The following PAG1 variants were observed in gnomAD, a reference collection of about 807,000 sequenced individuals.
PAG1 encodes phosphoprotein associated with glycosphingolipid-enriched microdomains 1.
PAG1 carries 23 observed loss-of-function variants against 31.7 expected under a neutral mutation model. The observed-to-expected ratio is 0.73, with a 90% CI of 0.52 to 1.03. The LOEUF is 1.03. Ranked by LOEUF, PAG1 falls within the 50% of genes least tolerant of loss-of-function variation. PAG1 has a pLI of 0.00. For synonymous variants in PAG1, 214 were observed against 210.3 expected (o/e 1.02, Z -0.15); for missense variants, 473 against 540.7 (o/e 0.87, Z 1.24).
intron 2 of PAG1, among the ~76,000 whole-genome samples, chr8:81,033,305 T>C (rs1238167521): frequency 6.6e-6 from 1 of 152,190 alleles, no homozygotes; most frequent in East Asian, 1.9e-4. Flanking sequence ...TTGCAAACTA[T>C]CATGCCCTGA....
intron 1 of PAG1, among the ~76,000 whole-genome samples, chr8:81,101,140 T>C (rs1312425354): frequency 6.6e-6 from 1 of 152,214 alleles, no homozygotes; most frequent in East Asian, 1.9e-4. Flanking sequence ...CAGTGTTATT[T>C]TTCTCAATGA....
At chr8:81,065,106 G>T (rs1206037048) in intron 2 of PAG1, among the ~76,000 whole-genome samples, 2 of 152,158 alleles carry the variant, frequency 1.3e-5, no homozygotes, top group Non-Finnish European at 2.9e-5. Context: ...AGGCGCTCAA[G>T]GCCCCAGCCT....
chr8:80,980,587 G>A (rs1057136993), intron 7 of PAG1, 93 bp from the exon 8 acceptor site: 25 of 785,294 alleles, frequency 3.2e-5, no homozygotes, highest in African/African-American at 6.9e-5. Flanking sequence ...GTCTAGCAAC[G>A]TTTTCAAATG....
chr8:80,991,003 G>A (rs534154657), intron 5 of PAG1, among the ~76,000 whole-genome samples: 11 of 152,280 alleles, frequency 7.2e-5, no homozygotes, highest in African/African-American at 2.4e-4. Flanking sequence ...GGGAGGTGAT[G>A]TGAAACACAG....
Position 80,987,469 on chromosome 8 carries a change from G to GAAAACAAAAACA in PAG1, c.178-15_178-4dup. On this transcript the variant is annotated splice_polypyrimidine_tract_variant and splice_region_variant and intron_variant, in intron 5 of 8. Coordinates refer to ENST00000220597, the MANE Select transcript of PAG1 (RefSeq NM_018440.4). ...CTGAACATCTCCTTGTCTGAAGGCT[G>GAAAACAAAAACA]AAAACAAAAACAAAAACAAAAACAA... is the stretch of plus-strand genomic sequence containing the variant. 1 of 1,609,722 alleles carries GAAAACAAAAACA rather than the reference G, an allele frequency of 6.2e-7. No homozygotes were observed. The highest frequency in any genetic ancestry group is 1.3e-5 in the African/African-American group (1 of 74,920).
chr8:81,102,040 G>A (rs527575460), intron 1 of PAG1, among the ~76,000 whole-genome samples: 1 of 152,196 alleles, frequency 6.6e-6, no homozygotes, highest in Non-Finnish European at 1.5e-5. Flanking sequence ...CTAACTCTAT[G>A]CCCTGGATTA....
intron 2 of PAG1, among the ~76,000 whole-genome samples, chr8:81,048,056 C>T (rs1808671237): frequency 6.6e-6 from 1 of 152,184 alleles, no homozygotes; most frequent in African/African-American, 2.4e-5. Context: ...TTCCAGCCCT[C>T]TGTAACCTGA....
intron 3 of PAG1, among the ~76,000 whole-genome samples, chr8:81,007,188 T>C (rs1322849515): frequency 2.0e-5 from 3 of 152,132 alleles, no homozygotes; most frequent in Non-Finnish European, 2.9e-5. Flanking sequence ...AGGCATATAT[T>C]AGAGACATGT....
chr8:81,104,968 G>T (rs1809670245), intron 1 of PAG1, among the ~76,000 whole-genome samples: 1 of 151,942 alleles, frequency 6.6e-6, no homozygotes, highest in Admixed American at 6.6e-5. Flanking sequence ...CCCTCAATGT[G>T]CACCAGCCAC....
chr8:81,085,731 C>A (rs1334044644), intron 1 of PAG1, among the ~76,000 whole-genome samples: 2 of 152,166 alleles, frequency 1.3e-5, no homozygotes, highest in Non-Finnish European at 2.9e-5. Flanking sequence ...TCTCCAGGTG[C>A]CTGAGACCTA....
intron 7 of PAG1, among the ~76,000 whole-genome samples, chr8:80,981,867 T>C (rs1292992445): frequency 4.1e-5 from 4 of 98,274 alleles, no homozygotes; most frequent in Non-Finnish European, 7.0e-5. Context: ...ACTTCCTTTT[T>C]TTTTTTTTTT....
intron 1 of PAG1, among the ~76,000 whole-genome samples, chr8:81,079,424 C>A (rs1458558082): frequency 6.6e-6 from 1 of 152,172 alleles, no homozygotes; most frequent in Non-Finnish European, 1.5e-5. Context: ...CAGCATCAAA[C>A]ATAATCATTT....
rs1807515201 is a variant in PAG1 at position 80,990,349 on chromosome 8, CT to C, written c.177+1129del. On this transcript the variant is annotated intron_variant, in intron 5 of 8. Coordinates refer to ENST00000220597, the MANE Select transcript of PAG1 (RefSeq NM_018440.4). This position sits in a 1 kb window ranked among gnomAD's most constrained non-coding sequence, Gnocchi z 5.1. Reference sequence around the variant, plus strand: ...CAGGAAGCCTAGACTGGAGATGCCCCTGGTCATCTCTGCAAACGTCTGCTGG... The same window carrying C: ...CAGGAAGCCTAGACTGGAGATGCCCCGGTCATCTCTGCAAACGTCTGCTGG... Among the ~76,000 whole-genome samples the C allele has an allele frequency of 6.6e-6, 1 of 152,102 alleles. No individual in the cohort carries two copies.
At position 80,993,198 on chromosome 8, in the gene PAG1, G is replaced by A. The variant is rs541059075; in HGVS notation, c.30C>T (p.Ser10=). MGPAGSLLG[S]GQMQITLWGS... The stretch of plus-strand genomic sequence containing the variant: ...CCCACAGGGTGATCTGCATCTGTCC[G>A]CTGCCCAGCAGGCTCCCCGCGGGCC... The change falls in exon 4 of 9, where the codon AGC becomes AGT. Residue 10 remains serine (S), a synonymous_variant. Transcript: ENST00000220597. The A allele has an allele frequency of 4.7e-5, 75 of 1,612,068 alleles. No homozygotes were observed. The East Asian group carries it at 1.0e-3, about 23-fold the overall frequency.
At chr8:81,025,884 T>C (rs1365231584) in intron 3 of PAG1, among the ~76,000 whole-genome samples, 2 of 152,112 alleles carry the variant, frequency 1.3e-5, no homozygotes, top group Non-Finnish European at 2.9e-5. Context: ...CATAACATGG[T>C]GTGTGTACCT....
intron 3 of PAG1, among the ~76,000 whole-genome samples, chr8:81,029,386 A>C (rs1473217631): frequency 3.3e-5 from 5 of 149,964 alleles, no homozygotes; most frequent in Admixed American, 1.3e-4. Flanking sequence ...ACACACACAC[A>C]CACCCCTCCC....
chr8:81,073,277 C>A (rs1215410031), intron 1 of PAG1, among the ~76,000 whole-genome samples: 1 of 152,166 alleles, frequency 6.6e-6, no homozygotes, highest in Non-Finnish European at 1.5e-5. Context: ...GCTAGTGTCC[C>A]AAGTGAGTAT....
intron 2 of PAG1, among the ~76,000 whole-genome samples, chr8:81,068,737 T>C (rs942153562): frequency 2.6e-5 from 4 of 152,176 alleles, no homozygotes; most frequent in East Asian, 1.9e-4. Flanking sequence ...TTAGCTTCTA[T>C]AGGAGGGTCA....
chr8:81,085,047 A>T (rs114031427), intron 1 of PAG1, among the ~76,000 whole-genome samples: 3,128 of 152,330 alleles, frequency 0.021, 115 homozygotes, highest in African/African-American at 0.072. Context: ...AAATTGATGA[A>T]CGCACTTTAA....
Sources: allele counts gnomAD v4.1 joint callset (sites outside exome capture counted in the v4.1 genomes callset), GRCh38; gene constraint gnomAD v4.1.1; non-coding constraint Gnocchi (gnomAD v3.1); transcripts MANE v1.5; gene names NCBI Gene and HGNC (gene_info 2026-07-23, HGNC 2026-07-21).